PPARGC1A: variants seen among roughly 807,000 people sequenced by gnomAD.
The protein encoded by PPARGC1A is PPARG coactivator 1 alpha.
Under a neutral mutation model 88.7 loss-of-function variants are expected in PPARGC1A, and 25 were observed. That is an observed-to-expected ratio of 0.28 (90% CI 0.21 to 0.39). The LOEUF (loss-of-function observed/expected upper bound fraction) is 0.39. PPARGC1A is among the 10% of genes least tolerant of loss of function. The pLI is 1.00. For synonymous variants in PPARGC1A, 363 were observed against 355.6 expected, an observed-to-expected ratio of 1.02 and a Z score of -0.24; for missense variants, 880 against 968.7, an observed-to-expected ratio of 0.91 and a Z score of 1.22.
At chr4:24,167,171 T>A in the PPARGC1A span, among the ~76,000 whole-genome samples, 1 of 152,152 alleles carries the variant, frequency 6.6e-6, no homozygotes, top group East Asian at 1.9e-4. Flanking sequence ...CCAGTCCTTC[T>A]AGATGACTTT....
the PPARGC1A span, among the ~76,000 whole-genome samples, chr4:24,437,576 A>G: frequency 6.6e-6 from 1 of 151,314 alleles, no homozygotes; most frequent in African/African-American, 2.4e-5. Context: ...TCTGTAAGTA[A>G]GGGAAAGGCA....
At chr4:23,941,413 G>A in the PPARGC1A span, among the ~76,000 whole-genome samples, 2 of 152,052 alleles carry the variant, frequency 1.3e-5, no homozygotes, top group African/African-American at 2.4e-5. Flanking sequence ...TTTTGTGGGA[G>A]GGAAAGTAAA....
At chr4:24,470,277 G>GACACACACACACACACACAC in the PPARGC1A span, among the ~76,000 whole-genome samples, 1,033 of 110,586 alleles carry the variant, frequency 9.3e-3, 38 homozygotes, top group Middle Eastern at 0.015. This position sits in a 1 kb window ranked among gnomAD's most constrained non-coding sequence, Gnocchi z 5.8. Context: ...GACAGACACA[G>GACACACACACACACACACAC]ACACACACAC....
the PPARGC1A span, among the ~76,000 whole-genome samples, chr4:23,989,690 T>C: frequency 2.0e-5 from 3 of 151,922 alleles, no homozygotes; most frequent in East Asian, 5.8e-4. Context: ...AATGAATGAG[T>C]GAATAAATGA....
At chr4:23,907,136 C>T (rs1469065041), upstream of PPARGC1A, among the ~76,000 whole-genome samples, 2 of 152,118 alleles carry the variant, frequency 1.3e-5, no homozygotes, top group East Asian at 3.9e-4. Flanking sequence ...AGAACAAAGG[C>T]CATTAGGGAT....
chr4:23,814,136 T>G lies in PPARGC1A; in HGVS notation c.1347A>C (p.Thr449=). 6.2e-7 allele frequency: 1 copy of G among 1,614,124 alleles called. No homozygotes were observed. Among genetic ancestry groups the G allele is most frequent in the East Asian group, 2.2e-5 (1 of 44,874 alleles). ...EASKQVSPCS[T]RKQLQDQEIR... The stretch of plus-strand genomic sequence containing the variant: ...TTTCCTGGTCTTGGAGCTGTTTTCT[T>G]GTGCTGCAAGGAGAGACCTGCTTGC... The change falls in exon 8 of 13, where the codon ACA becomes ACC. Residue 449 remains threonine (T), a synonymous_variant. Coordinates refer to ENST00000264867, the MANE Select transcript of PPARGC1A (RefSeq NM_013261.5).
intron 7 of PPARGC1A, among the ~76,000 whole-genome samples, chr4:23,819,642 G>A (rs2932974): frequency 0.81 from 123,880 of 152,102 alleles, 50,604 homozygotes; most frequent in African/African-American, 0.86. Flanking sequence ...CATTTCCAGA[G>A]AAGAAAAATT....
the PPARGC1A span, among the ~76,000 whole-genome samples, chr4:24,243,693 A>C: frequency 6.6e-6 from 1 of 152,204 alleles, no homozygotes; most frequent in Non-Finnish European, 1.5e-5. Context: ...GAGAGATGTC[A>C]AAGATAATAG....
the PPARGC1A span, among the ~76,000 whole-genome samples, chr4:24,015,620 A>C: frequency 6.6e-6 from 1 of 152,116 alleles, no homozygotes; most frequent in Non-Finnish European, 1.5e-5. Context: ...TGCTATTCTC[A>C]GTTCACAGTG....
chr4:24,148,159 C>A, the PPARGC1A span, among the ~76,000 whole-genome samples: 1 of 152,160 alleles, frequency 6.6e-6, no homozygotes, highest in African/African-American at 2.4e-5. Flanking sequence ...TCTCCCCCCA[C>A]AAAAACACAT....
chr4:24,295,842 G>A, the PPARGC1A span, among the ~76,000 whole-genome samples: 2,591 of 151,142 alleles, frequency 0.017, 71 homozygotes, highest in African/African-American at 0.06. Flanking sequence ...ATTTCAAACA[G>A]AAAATGACAT....
chr4:24,016,727 A>C, the PPARGC1A span, among the ~76,000 whole-genome samples: 1 of 152,154 alleles, frequency 6.6e-6, no homozygotes, highest in Admixed American at 6.5e-5. Context: ...ATTGAGATAA[A>C]ATTTGTTTAT....
intron 2 of PPARGC1A, among the ~76,000 whole-genome samples, chr4:23,839,888 G>C (rs896095815): frequency 1.3e-5 from 2 of 151,974 alleles, no homozygotes; most frequent in Non-Finnish European, 2.9e-5. Flanking sequence ...AACAGCACAG[G>C]AAAGACCCGC....
the PPARGC1A span, among the ~76,000 whole-genome samples, chr4:23,930,388 C>T: frequency 3.3e-5 from 5 of 152,092 alleles, no homozygotes; most frequent in Non-Finnish European, 4.4e-5. Flanking sequence ...TGGGGAGTAA[C>T]GCCTTCTGAC....
the PPARGC1A span, among the ~76,000 whole-genome samples, chr4:23,984,256 T>C: frequency 1.3e-5 from 2 of 152,044 alleles, no homozygotes; most frequent in African/African-American, 2.4e-5. Flanking sequence ...AGGGGATTCC[T>C]GTTCTTCTAT....
the PPARGC1A span, among the ~76,000 whole-genome samples, chr4:24,262,945 C>T: frequency 1.3e-5 from 2 of 152,176 alleles, no homozygotes; most frequent in Admixed American, 1.3e-4. Flanking sequence ...CACATTAACA[C>T]AGAGCGCTTC....
At chr4:23,848,398 G>A (rs1307643331) in intron 2 of PPARGC1A, among the ~76,000 whole-genome samples, 4 of 152,044 alleles carry the variant, frequency 2.6e-5, no homozygotes, top group South Asian at 2.1e-4. Flanking sequence ...TGATGCCCTC[G>A]AGCTAACCCT....
At chr4:24,353,867 C>T in the PPARGC1A span, among the ~76,000 whole-genome samples, 1 of 152,180 alleles carries the variant, frequency 6.6e-6, no homozygotes, top group Non-Finnish European at 1.5e-5. Flanking sequence ...ACACTAGGTT[C>T]AGAAATCCCT....
At chr4:23,950,604 A>G in the PPARGC1A span, among the ~76,000 whole-genome samples, 17 of 152,230 alleles carry the variant, frequency 1.1e-4, no homozygotes, top group Non-Finnish European at 2.5e-4. Flanking sequence ...TTAGAAAATT[A>G]TTTGATCTTT....
Sources: gnomAD v4.1 joint callset for allele counts (sites outside exome capture counted in the v4.1 genomes callset) on GRCh38, gnomAD v4.1.1 for gene constraint, Gnocchi (gnomAD v3.1) non-coding constraint, MANE v1.5 for transcripts, NCBI Gene and HGNC (gene_info 2026-07-23, HGNC 2026-07-21) for gene names.